The following TLK1 variants were observed in gnomAD, a reference collection of about 807,000 sequenced individuals.
TLK1 encodes the protein serine/threonine-protein kinase tousled-like 1.
TLK1 carries 24 observed loss-of-function variants against 105.3 expected under a neutral mutation model. That is an observed-to-expected ratio of 0.23 (90% CI 0.17 to 0.32). The LOEUF is 0.32. Ranked by LOEUF, TLK1 falls within the 10% of genes least tolerant of loss-of-function variation. The pLI is 1.00. For synonymous variants in TLK1, 321 were observed against 310.4 expected (o/e 1.03, Z -0.36); for missense variants, 558 against 910.5 (o/e 0.61, Z 4.98).
chr2:171,031,802 C>T (rs1463203947), intron 11 of TLK1, among the ~76,000 whole-genome samples: 1 of 152,014 alleles, frequency 6.6e-6, no homozygotes, highest in Non-Finnish European at 1.5e-5. Context: ...GTAGAAATAA[C>T]AAAAACAGGG....
At chr2:171,145,724 C>A (rs1483366472) in intron 1 of TLK1, among the ~76,000 whole-genome samples, 1 of 152,166 alleles carries the variant, frequency 6.6e-6, no homozygotes, top group South Asian at 2.1e-4. Context: ...GTAGTACATT[C>A]ACACAAAGTA....
chr2:171,131,732 G>A (rs1256527573), intron 1 of TLK1, among the ~76,000 whole-genome samples: 1 of 151,896 alleles, frequency 6.6e-6, no homozygotes, highest in African/African-American at 2.4e-5. Context: ...ATGGAAAAAT[G>A]CAAAAAATTA....
upstream of TLK1, among the ~76,000 whole-genome samples, chr2:171,161,396 C>T (rs1863679): frequency 0.16 from 23,840 of 152,056 alleles, 2,521 homozygotes; most frequent in East Asian, 0.3. Context: ...TCTTTCTTGC[C>T]CCTCTGTACT....
intron 1 of TLK1, among the ~76,000 whole-genome samples, chr2:171,177,868 A>T (rs1692858944): frequency 6.6e-6 from 1 of 152,026 alleles, no homozygotes; most frequent in East Asian, 1.9e-4. Flanking sequence ...ATCTTGGCTC[A>T]CCGCAACCTC....
At chr2:171,037,441 CAAA>C (rs34547550) in intron 11 of TLK1, among the ~76,000 whole-genome samples, 2 of 118,568 alleles carry the variant, frequency 1.7e-5, no homozygotes, top group Non-Finnish European at 1.7e-5. Context: ...AACTCCGTCT[CAAA>C]AAAAAAAAAA....
chr2:171,229,359 T>G (rs137927094), intron 1 of TLK1, among the ~76,000 whole-genome samples: 284 of 152,330 alleles, frequency 1.9e-3, no homozygotes, highest in African/African-American at 6.6e-3. Context: ...GCCCAGAGTC[T>G]AATGCTTGGC....
chr2:171,045,397 T>G (rs1225221870), intron 11 of TLK1: 1 of 149,024 alleles, frequency 6.7e-6, no homozygotes, highest in Non-Finnish European at 1.5e-5. Context: ...GCCCGGCTAA[T>G]TTTTGTATTT....
At chr2:171,145,520 G>A (rs1691757197) in intron 1 of TLK1, among the ~76,000 whole-genome samples, 1 of 151,918 alleles carries the variant, frequency 6.6e-6, no homozygotes, top group South Asian at 2.1e-4. Flanking sequence ...AACCCGGGAA[G>A]CGGAGGCTGC....
At chr2:171,111,952 T>TGTTA (rs1690192742) in intron 2 of TLK1, among the ~76,000 whole-genome samples, 1 of 151,840 alleles carries the variant, frequency 6.6e-6, no homozygotes. Flanking sequence ...TAGGGTTTTT[T>TGTTA]GTTTGTTTTT....
intron 1 of TLK1, among the ~76,000 whole-genome samples, chr2:171,121,089 T>C (rs1366024977): frequency 6.6e-6 from 1 of 152,142 alleles, no homozygotes; most frequent in Non-Finnish European, 1.5e-5. Context: ...GAGGTTAGTA[T>C]TTAATGGGTA....
intron 1 of TLK1, among the ~76,000 whole-genome samples, chr2:171,132,794 G>A (rs911500391): frequency 8.5e-5 from 13 of 152,194 alleles, no homozygotes; most frequent in African/African-American, 2.9e-4. Flanking sequence ...TGACCCCAGA[G>A]ATCAAGGCTG....
intron 10 of TLK1, 140 bp downstream of exon 10, chr2:171,049,674 C>T (rs1687139706): frequency 1.0e-6 from 1 of 989,336 alleles, no homozygotes; most frequent in Admixed American, 2.8e-5. Flanking sequence ...CTCTTGGTTT[C>T]ATATCCCTTT....
chr2:171,124,381 A>G (rs1294424775), intron 1 of TLK1, among the ~76,000 whole-genome samples: 1 of 152,260 alleles, frequency 6.6e-6, no homozygotes, highest in East Asian at 1.9e-4. Context: ...TCCAAAGCTA[A>G]TTAGTATTTA....
Position 171,006,670 on chromosome 2 carries a change from G to A in TLK1, c.1599-27C>T, listed in dbSNP as rs1043601245. On this transcript the variant is annotated intron_variant, in intron 16 of 20. Transcript: ENST00000431350. ...TACAACAGAGAAGAGAAAAAAATTA[G>A]ACATAAGTAATATCCAAGAATTCAG... The A allele has an allele frequency of 3.7e-6, 6 of 1,610,178 alleles. No individual in the cohort carries two copies. In the African/African-American group the frequency reaches 8.0e-5, roughly 22 times the overall value.
chr2:171,125,835 T>C (rs1192750985), intron 1 of TLK1, among the ~76,000 whole-genome samples: 8 of 152,192 alleles, frequency 5.3e-5, no homozygotes, highest in Non-Finnish European at 1.5e-5. Flanking sequence ...AAAGAATTAT[T>C]CTTTTTTGAT....
At chr2:171,079,677 G>GA (rs1173757035) in intron 3 of TLK1, among the ~76,000 whole-genome samples, 12 of 151,826 alleles carry the variant, frequency 7.9e-5, no homozygotes, top group Non-Finnish European at 1.5e-5. Context: ...TCCACATTTA[G>GA]AAAAAAAGAT....
In TLK1 at chr2:171,098,573, A is replaced by C. The variant is rs911344227; in HGVS notation, c.259-15721T>G. The stretch of plus-strand genomic sequence containing the variant: ...AATATGTAAAGCAGAACTAATACTA[A>C]TTCTTCACAAACTCTTCCAAAGAAC... On this transcript the variant is annotated intron_variant, in intron 2 of 20. Coordinates refer to ENST00000431350, the MANE Select transcript of TLK1 (RefSeq NM_012290.5). Among the ~76,000 whole-genome samples the C allele has an allele frequency of 5.3e-5, 8 of 152,318 alleles. No individual in the cohort carries two copies. In the South Asian group the frequency reaches 1.4e-3, roughly 28 times the overall value.
At chr2:171,135,701 T>C (rs1381370522) in intron 1 of TLK1, among the ~76,000 whole-genome samples, 2 of 151,696 alleles carry the variant, frequency 1.3e-5, no homozygotes, top group Admixed American at 6.6e-5. Context: ...ACTCCAGAGG[T>C]TGGGGCAGGA....
rs1352165820 is a variant in TLK1 at position 170,991,183 on chromosome 2, C to T, written c.*2597G>A. 1 of 152,136 alleles carries T rather than the reference C, an allele frequency of 6.6e-6. No individual in the cohort carries two copies. The highest frequency in any genetic ancestry group is 1.5e-5 in the Non-Finnish European group (1 of 68,018). 9.4% of individuals were successfully genotyped at this position (152,136 alleles called of 1,614,324 possible). A position where few individuals can be genotyped will look rare whatever the true frequency, so the allele number is the denominator to read the frequency against. ...TGCAAAAACTGTTGATTTTACCCTA[C>T]ATCAGTGCTGACTCTTAATAAAAGA... On this transcript the variant is annotated 3_prime_UTR_variant, in exon 21 of 21. Coordinates refer to ENST00000431350, the MANE Select transcript of TLK1 (RefSeq NM_012290.5).
Sources: allele counts gnomAD v4.1 joint callset (sites outside exome capture counted in the v4.1 genomes callset), GRCh38; gene constraint gnomAD v4.1.1; transcripts MANE v1.5; gene names NCBI Gene and HGNC (gene_info 2026-07-23, HGNC 2026-07-21).